Variants in CPXM2 observed in about 807,000 individuals in gnomAD.
CPXM2 encodes the protein inactive carboxypeptidase-like protein X2.
CPXM2 carries 66 observed loss-of-function variants against 86.1 expected under a neutral mutation model. The observed-to-expected ratio is 0.77, with a 90% CI of 0.63 to 0.94. The LOEUF is 0.94. Among genes scored for constraint, CPXM2 ranks in the 40% least tolerant of loss-of-function variants. The pLI, the probability that CPXM2 is intolerant of heterozygous loss-of-function variation, is 0.00. For synonymous variants in CPXM2, 388 were observed against 400.2 expected (o/e 0.97, Z 0.36); for missense variants, 948 against 1,026.3 (o/e 0.92, Z 1.04).
intron 4 of CPXM2, among the ~76,000 whole-genome samples, chr10:123,834,930 T>A (rs1275872184): frequency 6.6e-6 from 1 of 152,138 alleles, no homozygotes; most frequent in Non-Finnish European, 1.5e-5. Flanking sequence ...CCCCATGTGA[T>A]CTCTGCACAC....
intron 3 of CPXM2, among the ~76,000 whole-genome samples, chr10:123,859,452 C>T (rs775673540): frequency 1.3e-5 from 2 of 152,184 alleles, no homozygotes; most frequent in African/African-American, 2.4e-5. Context: ...GCTGACACCT[C>T]GATTTAGCCT....
chr10:123,885,148 A>ACAG lies in CPXM2; in HGVS notation c.305-4840_305-4839insCTG, dbSNP rs1319585407. ...ACAGGTGAAAAGTTGAAGGGGAAAC[A>ACAG]CCAATAACTCAGGCTGTGTTGTCTG... is the stretch of plus-strand genomic sequence containing the variant. On this transcript the variant is annotated intron_variant, in intron 1 of 13. Transcript: ENST00000241305. This position sits in a 1 kb window ranked among gnomAD's most constrained non-coding sequence, Gnocchi z 4.0. Among the ~76,000 whole-genome samples, 1 of 151,568 alleles carries ACAG rather than the reference A, an allele frequency of 6.6e-6. No homozygotes were observed. The highest frequency in any genetic ancestry group is 1.5e-5 in the Non-Finnish European group (1 of 67,884).
chr10:123,770,775 A>AATCTG lies in CPXM2; in HGVS notation c.1102+136_1102+140dup, dbSNP rs1287902791. 4.7e-6 allele frequency: 4 copies of AATCTG among 857,806 alleles called. No homozygotes were observed. In the African/African-American group the frequency reaches 6.7e-5, roughly 14 times the overall value. 53.1% of individuals were successfully genotyped at this position (857,806 alleles called of 1,614,324 possible). A position where few individuals can be genotyped will look rare whatever the true frequency, so the allele number is the denominator to read the frequency against. On this transcript the variant is annotated intron_variant, in intron 8 of 13. Transcript: ENST00000241305. The stretch of plus-strand genomic sequence containing the variant: ...TGGTTCACAGAGCCAACATGGGCAA[A>AATCTG]ATCTGTCTACGTGAGACAGCAGTGG...
intron 1 of CPXM2, among the ~76,000 whole-genome samples, chr10:123,881,533 C>A (rs1433051843): frequency 6.6e-6 from 1 of 152,078 alleles, no homozygotes; most frequent in Non-Finnish European, 1.5e-5. Flanking sequence ...CAGGCTCAGC[C>A]CATCCCACAG....
chr10:123,921,650 G>A (rs1031462966), intron 2 of CPXM2, among the ~76,000 whole-genome samples: 1 of 152,212 alleles, frequency 6.6e-6, no homozygotes, highest in Non-Finnish European at 1.5e-5. Flanking sequence ...GATAGACATG[G>A]TAGCAGAGGC....
At chr10:123,862,839 C>A (rs1350214134) in intron 2 of CPXM2, 116 bp from the exon 3 acceptor site, 9 of 790,224 alleles carry the variant, frequency 1.1e-5, no homozygotes, top group South Asian at 7.6e-5. Context: ...CACCCACAGG[C>A]ATGCCTGGTC....
chr10:123,914,541 G>A (rs534053464), intron 2 of CPXM2, among the ~76,000 whole-genome samples: 6 of 152,190 alleles, frequency 3.9e-5, no homozygotes, highest in Middle Eastern at 3.4e-3. Flanking sequence ...AACTTCACTC[G>A]AAAGGTGAAC....
At chr10:123,783,736 A>T (rs1846987812) in intron 6 of CPXM2, among the ~76,000 whole-genome samples, 1 of 152,082 alleles carries the variant, frequency 6.6e-6, no homozygotes, top group Non-Finnish European at 1.5e-5. Context: ...ATTTTTCTTA[A>T]CCTAATTTGA....
chr10:123,760,281 A>C (rs952405663), intron 11 of CPXM2, among the ~76,000 whole-genome samples: 43 of 152,350 alleles, frequency 2.8e-4, no homozygotes, highest in Admixed American at 2.3e-3. Flanking sequence ...ATTTTACTTA[A>C]AGCTTTTGGT....
At chr10:123,771,518 G>C (rs1429802681) in intron 7 of CPXM2, among the ~76,000 whole-genome samples, 1 of 152,172 alleles carries the variant, frequency 6.6e-6, no homozygotes, top group African/African-American at 2.4e-5. Flanking sequence ...GTGAACCAGA[G>C]AGTGAGCCCT....
chr10:123,749,546 G>A (rs1054248971), intron 13 of CPXM2, among the ~76,000 whole-genome samples: 4 of 152,124 alleles, frequency 2.6e-5, no homozygotes, highest in East Asian at 1.9e-4. Context: ...GCCACATGGC[G>A]ATGAAATCCA....
chr10:123,898,278 TCAAA>T (rs1046757508), intron 2 of CPXM2, among the ~76,000 whole-genome samples: 29 of 152,078 alleles, frequency 1.9e-4, no homozygotes, highest in African/African-American at 6.3e-4. Context: ...AAAATGGGCG[TCAAA>T]CAATCTTTAT....
chr10:123,909,824 G>A (rs1292630691), intron 2 of CPXM2, among the ~76,000 whole-genome samples: 2 of 152,302 alleles, frequency 1.3e-5, no homozygotes, highest in African/African-American at 4.8e-5. Flanking sequence ...CTTCCTCAGT[G>A]TCCAGGAACA....
At chr10:123,844,223 C>T (rs569017952) in intron 3 of CPXM2, among the ~76,000 whole-genome samples, 29 of 151,998 alleles carry the variant, frequency 1.9e-4, no homozygotes, top group African/African-American at 5.3e-4. Flanking sequence ...CGAGAAACCA[C>T]GAGAAGAATG....
intron 4 of CPXM2, among the ~76,000 whole-genome samples, chr10:123,804,776 G>GAAGGTTTAA (rs1401765556): frequency 6.6e-6 from 1 of 152,184 alleles, no homozygotes; most frequent in Admixed American, 6.5e-5. Flanking sequence ...AGATCCAAGG[G>GAAGGTTTAA]AAGGTTTCTA....
Position 123,770,975 on chromosome 10 carries a change from T to TCA in CPXM2, c.1042_1043insTG (p.His348LeufsTer5). 6.2e-7 allele frequency: 1 copy of TCA among 1,614,090 alleles called. No homozygotes were observed. Among genetic ancestry groups the TCA allele is most frequent in the Middle Eastern group, 1.7e-4 (1 of 6,060 alleles). On this transcript the variant is annotated frameshift_variant, in exon 8 of 14. Coordinates refer to ENST00000241305, the MANE Select transcript of CPXM2 (RefSeq NM_198148.3). LOFTEE classifies it high-confidence loss of function. ...CACAGCATACAGCTTCAGGCCCTGG[T>TCA]GGCTTTTTCCAATGTTGTAAATTCT...
At chr10:123,812,563 G>A (rs547006585) in intron 4 of CPXM2, among the ~76,000 whole-genome samples, 112 of 152,268 alleles carry the variant, frequency 7.4e-4, no homozygotes, top group African/African-American at 2.3e-3. Flanking sequence ...TTCTAGCCCC[G>A]GGGTCCCCAA....
At chr10:123,875,649 T>G (rs1056830569) in intron 2 of CPXM2, among the ~76,000 whole-genome samples, 1 of 152,100 alleles carries the variant, frequency 6.6e-6, no homozygotes, top group African/African-American at 2.4e-5. Context: ...ATACATTAAG[T>G]TGGCCAATCC....
intron 2 of CPXM2, among the ~76,000 whole-genome samples, chr10:123,925,643 T>C (rs1405238449): frequency 6.6e-6 from 1 of 152,230 alleles, no homozygotes; most frequent in Non-Finnish European, 1.5e-5. Flanking sequence ...GTGTGTATTA[T>C]GAGGTAAAGC....
Sources: allele counts gnomAD v4.1 joint callset (sites outside exome capture counted in the v4.1 genomes callset), GRCh38; gene constraint gnomAD v4.1.1; non-coding constraint Gnocchi (gnomAD v3.1); transcripts MANE v1.5; gene names NCBI Gene and HGNC (gene_info 2026-07-23, HGNC 2026-07-21).